The following NEURL4 variants were observed in gnomAD, a reference collection of about 807,000 sequenced individuals.
NEURL4 encodes neuralized E3 ubiquitin protein ligase 4.
A neutral mutation model predicts 148.0 loss-of-function variants in NEURL4; 45 were observed. That is an observed-to-expected ratio of 0.30 (90% CI 0.24 to 0.39). The LOEUF is 0.39. Ranked by LOEUF, NEURL4 falls within the 10% of genes least tolerant of loss-of-function variation. The pLI is 1.00. For missense variants in NEURL4, 1,776 were observed against 2,144.0 expected, an observed-to-expected ratio of 0.83 and a Z score of 3.39; for synonymous variants, 854 against 869.0, an observed-to-expected ratio of 0.98 and a Z score of 0.30.
Position 7,325,460 on chromosome 17 carries a change from G to A in NEURL4, c.1380C>T (p.Pro460=). Residue 460 remains proline (P), a synonymous_variant, in exon 8 of 29, where the codon CCC becomes CCT. Coordinates refer to ENST00000399464, the MANE Select transcript of NEURL4 (RefSeq NM_032442.3). ...CACCATACACCACTGGGGGCGTCAA[G>A]GGGGTTGCCACTCCTGTGGCAGGAA... The part of the protein sequence containing the change: ...INGIDQGVAT[P]LTPPVVYGVV... 1.2e-6 allele frequency: 2 copies of A among 1,611,524 alleles called. No homozygotes were observed. Among genetic ancestry groups the A allele is most frequent in the Non-Finnish European group, 1.7e-6 (2 of 1,179,822 alleles).
In NEURL4 at chr17:7,318,273, C is replaced by T; in HGVS notation, c.3948G>A (p.Val1316=). The T allele has an allele frequency of 6.2e-7, 1 of 1,614,086 alleles. No homozygotes were observed. Among genetic ancestry groups the T allele is most frequent in the Non-Finnish European group, 8.5e-7 (1 of 1,179,986 alleles). ...TQGDMEKADM[V]DGIKESVCWG... ...GGTCCCTTTGGGCTGGCACACCGTCCACCATGTCTGCTTTCTCCATGTCCC... is the reference window on the plus strand; with the variant it reads ...GGTCCCTTTGGGCTGGCACACCGTCTACCATGTCTGCTTTCTCCATGTCCC... Residue 1316 remains valine (V), a synonymous_variant, in exon 24 of 29, where the codon GTG becomes GTA. Transcript: ENST00000399464. This position sits in a 1 kb window ranked among gnomAD's most constrained non-coding sequence, Gnocchi z 4.3.
rs1249219791 is a variant in NEURL4 at position 7,321,573 on chromosome 17, A to G, written c.3086T>C (p.Leu1029Pro). 6.2e-7 allele frequency: 1 copy of G among 1,613,920 alleles called. No individual in the cohort carries two copies. The part of the protein sequence containing the change: ...QLQRMNYGRN[L>P]ERLGVGSRVG... Reference sequence around the variant, plus strand: ...CAGCCACTTCACCCCCAGCCTCTCTAGGTTCCGGCCATAGTTCATCCTCTG... The same window carrying G: ...CAGCCACTTCACCCCCAGCCTCTCTGGGTTCCGGCCATAGTTCATCCTCTG... The change falls in exon 18 of 29, where the codon CTA becomes CCA. Residue 1029 changes from leucine to proline, a missense_variant. Leu to Pro is a moderately conservative substitution (Grantham distance 98, BLOSUM62 -3). Transcript: ENST00000399464. This position sits in a 1 kb window ranked among gnomAD's most constrained non-coding sequence, Gnocchi z 6.3.
At chr17:7,319,835 CTTTT>C (rs1183457589) in intron 21 of NEURL4, among the ~76,000 whole-genome samples, 2 of 150,268 alleles carry the variant, frequency 1.3e-5, no homozygotes, top group Non-Finnish European at 3.0e-5. Flanking sequence ...CTTTTCCTTT[CTTTT>C]TTTTTATTGA....
Position 7,327,112 on chromosome 17 carries a change from C to G in NEURL4, c.793+53G>C. On this transcript the variant is annotated intron_variant, in intron 3 of 28. Coordinates refer to ENST00000399464, the MANE Select transcript of NEURL4 (RefSeq NM_032442.3). This position sits in a 1 kb window ranked among gnomAD's most constrained non-coding sequence, Gnocchi z 6.6. ...CTACCCCTTCTCCTGAGGGCCCTCC[C>G]TTGTCCACCTCACTTCCCACTCCCC... is the stretch of plus-strand genomic sequence containing the variant. 1 of 1,604,548 alleles carries G rather than the reference C, an allele frequency of 6.2e-7. No individual in the cohort carries two copies. The highest frequency in any genetic ancestry group is 8.5e-7 in the Non-Finnish European group (1 of 1,176,160).
chr17:7,328,781 A>G (rs1433385524), intron 1 of NEURL4, among the ~76,000 whole-genome samples: 1 of 152,162 alleles, frequency 6.6e-6, no homozygotes, highest in African/African-American at 2.4e-5. Context: ...GTTCCCAGCC[A>G]TTCTAGTGGG....
At position 7,317,462 on chromosome 17, in the gene NEURL4, T is replaced by C. The variant is rs780014254; in HGVS notation, c.4317A>G (p.Ala1439=). 1 of 1,614,156 alleles carries C rather than the reference T, an allele frequency of 6.2e-7. No homozygotes were observed. Among genetic ancestry groups the C allele is most frequent in the Non-Finnish European group, 8.5e-7 (1 of 1,179,988 alleles). The change falls in exon 27 of 29, where the codon GCA becomes GCG. Residue 1439 remains alanine, a splice_region_variant and synonymous_variant. Transcript: ENST00000399464. ...RRVLDRGELG[A]GTASILSCRP... ...TTGCATGGGCCTACTCGCCAGTACCTGCTCCCAGCTCCCCTCGGTCCAGCA... is the reference window on the plus strand; with the variant it reads ...TTGCATGGGCCTACTCGCCAGTACCCGCTCCCAGCTCCCCTCGGTCCAGCA...
In NEURL4 at chr17:7,321,414, G is replaced by A. The variant is rs1391623381; in HGVS notation, c.3145C>T (p.His1049Tyr). 2 of 1,614,088 alleles carry A rather than the reference G, an allele frequency of 1.2e-6. No individual in the cohort carries two copies. The highest frequency in any genetic ancestry group is 1.7e-6 in the Non-Finnish European group (2 of 1,180,018). ...GVRRGADDTM[H>Y]ILVDGEDMGP... is the part of the protein sequence containing the mutation. Reference sequence around the variant, plus strand: ...ATATCCTCTCCATCCACCAGGATGTGCATCGTGTCATCTGCCCCCCGACGA... The same window carrying A: ...ATATCCTCTCCATCCACCAGGATGTACATCGTGTCATCTGCCCCCCGACGA... The change falls in exon 19 of 29, where the codon CAC becomes TAC. Residue 1049 changes from histidine (H) to tyrosine (Y), a missense_variant. Transcript: ENST00000399464. This position sits in a 1 kb window ranked among gnomAD's most constrained non-coding sequence, Gnocchi z 6.3.
At chr17:7,317,954 G>A in intron 25 of NEURL4, 22 bp from the exon 26 acceptor site, 1 of 1,614,022 alleles carries the variant, frequency 6.2e-7, no homozygotes, top group South Asian at 1.1e-5. Flanking sequence ...TGAGTAGCAG[G>A]CTTGGTGCTG....
In NEURL4 at chr17:7,321,812, T is replaced by C. The variant is rs373952472; in HGVS notation, c.2872-25A>G. The C allele has an allele frequency of 3.1e-6, 5 of 1,612,336 alleles. No homozygotes were observed. The highest frequency in any genetic ancestry group is 1.1e-5 in the South Asian group (1 of 91,076). On this transcript the variant is annotated intron_variant, in intron 17 of 28. Transcript: ENST00000399464. This position sits in a 1 kb window ranked among gnomAD's most constrained non-coding sequence, Gnocchi z 6.3. Reference sequence around the variant, plus strand: ...CCTACGAGACAGAGAAAACATAAGCTGGCCCTGTCGTGATGGGCCTCGCAG... The same window carrying C: ...CCTACGAGACAGAGAAAACATAAGCCGGCCCTGTCGTGATGGGCCTCGCAG...
Position 7,324,034 on chromosome 17 carries a change from A to G in NEURL4, c.2063-22T>C, listed in dbSNP as rs1567621653. 1 of 1,608,902 alleles carries G rather than the reference A, an allele frequency of 6.2e-7. No homozygotes were observed. Among genetic ancestry groups the G allele is most frequent in the East Asian group, 2.2e-5 (1 of 44,862 alleles). ...ACCTCTGTAAAAGTGGACATCACCCATCAGGTCTCTAGGTGTCTCTCAGAC... is the reference window on the plus strand; with the variant it reads ...ACCTCTGTAAAAGTGGACATCACCCGTCAGGTCTCTAGGTGTCTCTCAGAC... On this transcript the variant is annotated intron_variant, in intron 11 of 28. Transcript: ENST00000399464. This position sits in a 1 kb window ranked among gnomAD's most constrained non-coding sequence, Gnocchi z 5.9.
Position 7,325,361 on chromosome 17 carries a change from T to G in NEURL4, c.1479A>C (p.Arg493=). 6.2e-7 allele frequency: 1 copy of G among 1,613,418 alleles called. No individual in the cohort carries two copies. The change falls in exon 8 of 29, where the codon CGA becomes CGC. Residue 493 remains arginine, a synonymous_variant. Coordinates refer to ENST00000399464, the MANE Select transcript of NEURL4 (RefSeq NM_032442.3). ...HNNNHSDRLR[R]NNAILRALSP... ...ACAGCGCCCGCAGGATGGCGTTGTT[T>G]CGGCGGAGACGGTCACTGTGGTTGT...
rs1361717201 is a variant in NEURL4 at position 7,326,138 on chromosome 17, GA to G, written c.1293+116del. ...GCTTCTAGGAAGGAACCTTTAGGTG[GA>G]AGATACAGGGACTGCCTCTAGGTCA... On this transcript the variant is annotated intron_variant, in intron 6 of 28. Transcript: ENST00000399464. The surrounding 1 kb of genome is among the most constrained non-coding windows in gnomAD (Gnocchi z 6.0). The G allele has an allele frequency of 4.3e-6, 4 of 933,976 alleles. No individual in the cohort carries two copies. The highest frequency in any genetic ancestry group is 6.7e-6 in the Non-Finnish European group (4 of 597,758). The allele number at this position is 933,976 out of a possible 1,614,324, so 57.9% of individuals were successfully genotyped here.
chr17:7,318,362 G>A lies in NEURL4; in HGVS notation c.3865-6C>T, dbSNP rs758025928. 71 of 1,613,858 alleles carry A rather than the reference G, an allele frequency of 4.4e-5. No homozygotes were observed. The highest frequency in any genetic ancestry group is 8.8e-5 in the South Asian group (8 of 91,090). ...TCAGGGTTCACGATTGTCACCTGCA[G>A]GGGAGAGGGTAGTCAGACAGAGCTT... On this transcript the variant is annotated splice_region_variant and splice_polypyrimidine_tract_variant and intron_variant, in intron 23 of 28. Transcript: ENST00000399464. This position sits in a 1 kb window ranked among gnomAD's most constrained non-coding sequence, Gnocchi z 4.3.
Position 7,323,776 on chromosome 17 carries a change from C to T in NEURL4, c.2261+38G>A, listed in dbSNP as rs765612321. The T allele has an allele frequency of 2.5e-6, 4 of 1,613,918 alleles. No homozygotes were observed. In the Admixed American group the frequency reaches 6.7e-5, roughly 27 times the overall value. ...CTCTACTTGCATGGCTGAGGCTGGG[C>T]AGGAGGAAGGTGGGGACATGAAAGT... On this transcript the variant is annotated intron_variant, in intron 12 of 28. Coordinates refer to ENST00000399464, the MANE Select transcript of NEURL4 (RefSeq NM_032442.3).
In NEURL4 at chr17:7,327,906, G is replaced by A. The variant is rs750532839; in HGVS notation, c.283-22C>T. On this transcript the variant is annotated intron_variant, in intron 1 of 28. Coordinates refer to ENST00000399464, the MANE Select transcript of NEURL4 (RefSeq NM_032442.3). The surrounding 1 kb of genome is among the most constrained non-coding windows in gnomAD (Gnocchi z 6.6). The stretch of plus-strand genomic sequence containing the variant: ...TGACCTGGGATAGGGGTATTGGACA[G>A]AGGCTTAGAATGGGCCACCCCCCAT... The A allele has an allele frequency of 1.3e-6, 2 of 1,562,518 alleles. No homozygotes were observed. Among genetic ancestry groups the A allele is most frequent in the Non-Finnish European group, 1.7e-6 (2 of 1,152,528 alleles).
Position 7,319,014 on chromosome 17 carries a change from G to C in NEURL4, c.3684+36C>G, listed in dbSNP as rs763624486. The C allele has an allele frequency of 2.5e-6, 4 of 1,576,670 alleles. No individual in the cohort carries two copies. In the East Asian group the frequency reaches 6.7e-5, roughly 27 times the overall value. On this transcript the variant is annotated intron_variant, in intron 22 of 28. Coordinates refer to ENST00000399464, the MANE Select transcript of NEURL4 (RefSeq NM_032442.3). ...CTGGCCAGCCCTTCTCTACTCACAGGCCTGGTCCTGTTCCTTCTCTCTGGC... is the reference window on the plus strand; with the variant it reads ...CTGGCCAGCCCTTCTCTACTCACAGCCCTGGTCCTGTTCCTTCTCTCTGGC...
chr17:7,324,605 C>T lies in NEURL4; in HGVS notation c.1814-125G>A. On this transcript the variant is annotated intron_variant, in intron 9 of 28. Transcript: ENST00000399464. The surrounding 1 kb of genome is among the most constrained non-coding windows in gnomAD (Gnocchi z 5.9). ...TGCCTTTTCTTTGATGACTAGATTT[C>T]TTCCCTGAGCAGGACAAGAAAACTC... The T allele has an allele frequency of 1.8e-6, 2 of 1,094,516 alleles. No individual in the cohort carries two copies. Among genetic ancestry groups the T allele is most frequent in the Non-Finnish European group, 1.3e-6 (1 of 741,940 alleles). The allele number at this position is 1,094,516 out of a possible 1,614,324, so 67.8% of individuals were successfully genotyped here.
At position 7,327,896 on chromosome 17, in the gene NEURL4, G is replaced by C; in HGVS notation, c.283-12C>G. On this transcript the variant is annotated splice_polypyrimidine_tract_variant and intron_variant, in intron 1 of 28. Coordinates refer to ENST00000399464, the MANE Select transcript of NEURL4 (RefSeq NM_032442.3). The surrounding 1 kb of genome is among the most constrained non-coding windows in gnomAD (Gnocchi z 6.6). ...CTCCAGGAGTTGACCTGGGATAGGG[G>C]TATTGGACAGAGGCTTAGAATGGGC... 1 of 1,583,078 alleles carries C rather than the reference G, an allele frequency of 6.3e-7. No homozygotes were observed. The highest frequency in any genetic ancestry group is 8.6e-7 in the Non-Finnish European group (1 of 1,164,206).
chr17:7,325,831 T>C lies in NEURL4; in HGVS notation c.1294-118A>G, dbSNP rs2073097301. On this transcript the variant is annotated intron_variant, in intron 6 of 28. Transcript: ENST00000399464. ...GTCTCAGACCACCCTGGAGGACAGG[T>C]CCTGGGTCCTTGTTTTCCAGACATG... 3 of 809,352 alleles carry C rather than the reference T, an allele frequency of 3.7e-6. No individual in the cohort carries two copies. In the South Asian group the frequency reaches 4.2e-5, roughly 11 times the overall value. 50.1% of individuals were successfully genotyped at this position (809,352 alleles called of 1,614,324 possible).
Sources: allele counts gnomAD v4.1 joint callset (sites outside exome capture counted in the v4.1 genomes callset), GRCh38; gene constraint gnomAD v4.1.1; non-coding constraint Gnocchi (gnomAD v3.1); transcripts MANE v1.5; gene names NCBI Gene and HGNC (gene_info 2026-07-23, HGNC 2026-07-21).